Variants in CNTNAP2 observed in about 807,000 individuals in gnomAD.
CNTNAP2 encodes the protein contactin-associated protein-like 2.
CNTNAP2 carries 98 observed loss-of-function variants against 155.2 expected under a neutral mutation model. The ratio of observed to expected loss-of-function variants is 0.63; its 90% CI spans 0.54 to 0.75. The LOEUF (loss-of-function observed/expected upper bound fraction) is 0.75. Among genes scored for constraint, CNTNAP2 ranks in the 30% least tolerant of loss-of-function variants. CNTNAP2 has a pLI of 0.00. For synonymous variants in CNTNAP2, 651 were observed against 631.2 expected (o/e 1.03, Z -0.47); for missense variants, 1,727 against 1,688.1 (o/e 1.02, Z -0.40).
chr7:147,033,160 G>GTATATATATATATATA (rs3081742), intron 3 of CNTNAP2, among the ~76,000 whole-genome samples: 32 of 90,814 alleles, frequency 3.5e-4, no homozygotes, highest in South Asian at 6.8e-4. Flanking sequence ...ATATATATAT[G>GTATATATATATATATA]TATATATATA....
chr7:146,328,714 A>T (rs2129094084), intron 1 of CNTNAP2, among the ~76,000 whole-genome samples: 1 of 152,124 alleles, frequency 6.6e-6, no homozygotes, highest in Non-Finnish European at 1.5e-5. Flanking sequence ...GCTCCTCCTA[A>T]TCACCATTCT....
intron 13 of CNTNAP2, among the ~76,000 whole-genome samples, chr7:147,679,971 CT>C (rs925590188): frequency 0.018 from 2,675 of 146,270 alleles, 216 homozygotes; most frequent in Admixed American, 0.16. Context: ...ATCTTCGTTT[CT>C]TTTTTTTTTT....
intron 1 of CNTNAP2, among the ~76,000 whole-genome samples, chr7:146,330,344 A>G (rs949063746): frequency 1.3e-5 from 2 of 152,040 alleles, no homozygotes; most frequent in African/African-American, 4.8e-5. Flanking sequence ...TCTTATCACC[A>G]GTAATATGAC....
chr7:146,940,723 G>A (rs186461453), intron 3 of CNTNAP2, among the ~76,000 whole-genome samples: 11 of 146,310 alleles, frequency 7.5e-5, no homozygotes, highest in African/African-American at 2.5e-4. Context: ...ACACAATATG[G>A]TGTGTATATA....
intron 1 of CNTNAP2, among the ~76,000 whole-genome samples, chr7:146,501,289 A>G (rs902938403): frequency 2.0e-5 from 3 of 152,136 alleles, no homozygotes; most frequent in Non-Finnish European, 2.9e-5. Flanking sequence ...GCGAAGGATT[A>G]CTGTTAATTC....
At chr7:147,743,734 G>A (rs552457004) in intron 13 of CNTNAP2, among the ~76,000 whole-genome samples, 13 of 151,182 alleles carry the variant, frequency 8.6e-5, no homozygotes, top group South Asian at 2.1e-4. Flanking sequence ...CTGACCTCTC[G>A]TGTGTTTTAA....
At chr7:146,715,150 G>T (rs1026022629) in intron 1 of CNTNAP2, among the ~76,000 whole-genome samples, 1 of 152,154 alleles carries the variant, frequency 6.6e-6, no homozygotes, top group East Asian at 1.9e-4. Flanking sequence ...GGCCAACATG[G>T]TGAAACCCCG....
chr7:147,127,213 T>C (rs1317539677), intron 6 of CNTNAP2, among the ~76,000 whole-genome samples: 1 of 152,202 alleles, frequency 6.6e-6, no homozygotes, highest in Non-Finnish European at 1.5e-5. Context: ...ATTTTCCCAA[T>C]AATTCTACTT....
intron 1 of CNTNAP2, among the ~76,000 whole-genome samples, chr7:146,708,588 A>ATTTTTTTTTTTTTTTTTTTTTTTT (rs71165029): frequency 1.6e-5 from 1 of 63,956 alleles, no homozygotes; most frequent in African/African-American, 7.8e-5. Context: ...AAAAAAAGTG[A>ATTTTTTTTTTTTTTTTTTTTTTTT]TTTTTTTTTT....
chr7:148,087,559 T>C (rs1563195168), intron 15 of CNTNAP2, among the ~76,000 whole-genome samples: 1 of 152,176 alleles, frequency 6.6e-6, no homozygotes, highest in Non-Finnish European at 1.5e-5. Context: ...ATCATCGAAA[T>C]TTGATCAGCA....
At chr7:146,543,316 A>G (rs570328860) in intron 1 of CNTNAP2, among the ~76,000 whole-genome samples, 21 of 151,964 alleles carry the variant, frequency 1.4e-4, no homozygotes, top group African/African-American at 5.1e-4. Context: ...TGAATTACAT[A>G]TATAAAATGG....
chr7:147,639,098 C>A lies in CNTNAP2; in HGVS notation c.1898-8C>A. On this transcript the variant is annotated splice_region_variant and splice_polypyrimidine_tract_variant and intron_variant, in intron 12 of 23. Coordinates refer to ENST00000361727, the MANE Select transcript of CNTNAP2 (RefSeq NM_014141.6). ...GATCCAGGGTCCTGGTTGTTTTTCT[C>A]CCCACAGAGGACAAAGTGTGGACCA... 1 of 1,613,928 alleles carries A rather than the reference C, an allele frequency of 6.2e-7. No homozygotes were observed. Among genetic ancestry groups the A allele is most frequent in the South Asian group, 1.1e-5 (1 of 91,074 alleles).
chr7:148,206,000 AT>A lies in CNTNAP2; in HGVS notation c.3011-11287del, dbSNP rs950118533. 6.1e-3 allele frequency among the ~76,000 whole-genome samples: 923 copies of A among 151,750 alleles called. 9 individuals carry two copies. The highest frequency in any genetic ancestry group is 0.021 in the African/African-American group (887 of 41,464). ...GCAAAAGACTTTCTACATGAAAAAA[AT>A]ATATATATGCATATAGGCATATACA... On this transcript the variant is annotated intron_variant, in intron 18 of 23. Transcript: ENST00000361727.
chr7:146,459,970 A>G (rs1796611835), intron 1 of CNTNAP2, among the ~76,000 whole-genome samples: 1 of 152,026 alleles, frequency 6.6e-6, no homozygotes, highest in Admixed American at 6.6e-5. Context: ...ACTCCATCTC[A>G]AACAAAAAAC....
chr7:146,777,404 T>A (rs1232880685), intron 2 of CNTNAP2, among the ~76,000 whole-genome samples: 1 of 152,232 alleles, frequency 6.6e-6, no homozygotes, highest in Non-Finnish European at 1.5e-5. Flanking sequence ...TCACCCTTTA[T>A]GCTGCTCTGC....
chr7:148,363,026 G>T (rs1798656174), intron 21 of CNTNAP2, among the ~76,000 whole-genome samples: 3 of 152,040 alleles, frequency 2.0e-5, no homozygotes, highest in Non-Finnish European at 4.4e-5. Context: ...TTGTTGCCCA[G>T]GCTGGAGTGC....
intron 13 of CNTNAP2, among the ~76,000 whole-genome samples, chr7:147,864,378 G>T (rs1265577249): frequency 1.3e-5 from 2 of 152,062 alleles, no homozygotes; most frequent in African/African-American, 4.8e-5. Context: ...TCCAGTTTTG[G>T]TCTTTTGGCT....
intron 8 of CNTNAP2, among the ~76,000 whole-genome samples, chr7:147,215,780 G>C (rs1450798688): frequency 6.6e-6 from 1 of 152,158 alleles, no homozygotes; most frequent in Non-Finnish European, 1.5e-5. Context: ...GTCTTTCAAA[G>C]TGGCCGGACC....
intron 13 of CNTNAP2, among the ~76,000 whole-genome samples, chr7:147,834,174 C>T (rs1250060371): frequency 6.6e-6 from 1 of 152,142 alleles, no homozygotes; most frequent in Non-Finnish European, 1.5e-5. Flanking sequence ...TCTTGTAGTG[C>T]AAGAATAATG....
Sources: allele counts gnomAD v4.1 joint callset (sites outside exome capture counted in the v4.1 genomes callset), GRCh38; gene constraint gnomAD v4.1.1; transcripts MANE v1.5; gene names NCBI Gene and HGNC (gene_info 2026-07-23, HGNC 2026-07-21).